ASTN1: variants seen among roughly 807,000 people sequenced by gnomAD.
The protein encoded by ASTN1 is astrotactin 1.
ASTN1 carries 41 observed loss-of-function variants against 140.7 expected under a neutral mutation model. The ratio of observed to expected loss-of-function variants is 0.29; its 90% CI spans 0.23 to 0.38. ASTN1 has a LOEUF of 0.38. Ranked by LOEUF, ASTN1 falls within the 10% of genes least tolerant of loss-of-function variation. The pLI, the probability that ASTN1 is intolerant of heterozygous loss-of-function variation, is 1.00. For synonymous variants in ASTN1, 640 were observed against 652.2 expected, an observed-to-expected ratio of 0.98 and a Z score of 0.29; for missense variants, 1,479 against 1,678.8, an observed-to-expected ratio of 0.88 and a Z score of 2.08.
intron 8 of ASTN1, among the ~76,000 whole-genome samples, chr1:176,991,599 A>T (rs1674180046): frequency 6.6e-6 from 1 of 152,178 alleles, no homozygotes; most frequent in Non-Finnish European, 1.5e-5. Flanking sequence ...TCGAACACTA[A>T]CTAGCTGTGT....
intron 1 of ASTN1, among the ~76,000 whole-genome samples, chr1:177,109,246 GGAAATATGTAGTAAACCTAA>G (rs1488507227): frequency 6.6e-6 from 1 of 152,010 alleles, no homozygotes; most frequent in Non-Finnish European, 1.5e-5. Context: ...AAGCTTTGCA[GGAAATATGTAGTAAACCTAA>G]GAAACCCATT....
intron 19 of ASTN1, among the ~76,000 whole-genome samples, chr1:176,883,709 C>T (rs1003861877): frequency 1.3e-5 from 2 of 152,138 alleles, no homozygotes; most frequent in African/African-American, 4.8e-5. Flanking sequence ...ATTGTTGGTG[C>T]CATCATCCTG....
At chr1:177,078,920 G>A (rs1679051136) in intron 1 of ASTN1, among the ~76,000 whole-genome samples, 1 of 151,974 alleles carries the variant, frequency 6.6e-6, no homozygotes, top group African/African-American at 2.4e-5. Flanking sequence ...ACTTCTAAAG[G>A]GATACTGTCA....
chr1:177,092,932 T>C (rs1679828934), intron 1 of ASTN1, among the ~76,000 whole-genome samples: 1 of 152,200 alleles, frequency 6.6e-6, no homozygotes, highest in Admixed American at 6.5e-5. Context: ...ACACTGTTTT[T>C]ATTGCTGTAG....
chr1:176,996,645 C>T (rs1008222417), intron 8 of ASTN1, among the ~76,000 whole-genome samples: 5 of 152,174 alleles, frequency 3.3e-5, no homozygotes, highest in African/African-American at 7.2e-5. Flanking sequence ...ACTTAATACA[C>T]GTGTAGGTTT....
chr1:176,876,595 C>CCTGGAGCGCCGTCCTGTGT lies in ASTN1; in HGVS notation c.3386_3404dup (p.Pro1136HisfsTer21). The CCTGGAGCGCCGTCCTGTGT allele has an allele frequency of 3.1e-6, 5 of 1,614,162 alleles. No individual in the cohort carries two copies. The highest frequency in any genetic ancestry group is 4.2e-6 in the Non-Finnish European group (5 of 1,180,032). The stretch of plus-strand genomic sequence containing the variant: ...GGGTCTTCACGATCACGTCGCTTGG[C>CCTGGAGCGCCGTCCTGTGT]CTGGAGCGCCGTCCTGTGTTGTCCA... On this transcript the variant is annotated frameshift_variant, in exon 21 of 23. Coordinates refer to ENST00000361833, the MANE Select transcript of ASTN1 (RefSeq NM_004319.3). LOFTEE classifies it high-confidence loss of function.
At chr1:176,929,209 T>A (rs1459681432) in intron 16 of ASTN1, among the ~76,000 whole-genome samples, 3 of 152,178 alleles carry the variant, frequency 2.0e-5, no homozygotes, top group Non-Finnish European at 4.4e-5. Context: ...CTCTAGAACC[T>A]GTGAATGGCA....
In ASTN1 at chr1:176,882,881, G is replaced by C. The variant is rs1460495222; in HGVS notation, c.3340C>G (p.Leu1114Val). The change falls in exon 20 of 23, where the codon CTG becomes GTG. Residue 1114 changes from leucine (L) to valine (V), a missense_variant. This residue lies in a region of ASTN1 where 746 missense variants were observed against 800.9 expected (regional missense o/e 0.93). Transcript: ENST00000361833. ...CACATGTAAATGGTGTCAGGTTCCA[G>C]GCATCGTATGATCAGAGAGATGGTG... ...LTTISLIIRC[L>V]EPDTIYMFTL... 2 of 1,614,136 alleles carry C rather than the reference G, an allele frequency of 1.2e-6. No individual in the cohort carries two copies. The highest frequency in any genetic ancestry group is 2.2e-5 in the South Asian group (2 of 91,082).
At position 176,862,609 on chromosome 1, in the gene ASTN1, C is replaced by G; in HGVS notation, c.*1675G>C. The G allele has an allele frequency of 1.0e-6, 1 of 980,182 alleles. No homozygotes were observed. The allele number at this position is 980,182 out of a possible 1,614,324, so 60.7% of individuals were successfully genotyped here. ...TAAGATCCTGTGCCCTGGAGACCAA[C>G]AGCCTGAAATCACACTGAAACTCAG... On this transcript the variant is annotated 3_prime_UTR_variant, in exon 23 of 23. Transcript: ENST00000361833.
intron 1 of ASTN1, among the ~76,000 whole-genome samples, chr1:177,069,956 A>G (rs1006568935): frequency 2.0e-5 from 3 of 152,154 alleles, no homozygotes; most frequent in Non-Finnish European, 4.4e-5. Flanking sequence ...ATCTATTTCT[A>G]TTCTCCACTG....
intron 3 of ASTN1, among the ~76,000 whole-genome samples, chr1:177,031,378 A>T (rs1002515845): frequency 1.3e-5 from 2 of 151,916 alleles, no homozygotes; most frequent in Non-Finnish European, 2.9e-5. Flanking sequence ...GTATTGTCTG[A>T]CCTCTTCTCT....
Position 176,862,373 on chromosome 1 carries a change from T to A in ASTN1, c.*1911A>T. 1.0e-6 allele frequency: 1 copy of A among 985,492 alleles called. No homozygotes were observed. Among genetic ancestry groups the A allele is most frequent in the Non-Finnish European group, 1.2e-6 (1 of 829,990 alleles). The allele number at this position is 985,492 out of a possible 1,614,324, so 61.0% of individuals were successfully genotyped here. A position where few individuals can be genotyped will look rare whatever the true frequency, so the allele number is the denominator to read the frequency against. ...CATGAGGGTGGGGAGGAGGGCCATG[T>A]GCAGTGGAACTAGGGGTCCCAAGGG... is the stretch of plus-strand genomic sequence containing the variant. On this transcript the variant is annotated 3_prime_UTR_variant, in exon 23 of 23. Coordinates refer to ENST00000361833, the MANE Select transcript of ASTN1 (RefSeq NM_004319.3).
intron 19 of ASTN1, among the ~76,000 whole-genome samples, chr1:176,884,121 T>G (rs1668926219): frequency 6.6e-6 from 1 of 152,176 alleles, no homozygotes; most frequent in Non-Finnish European, 1.5e-5. Flanking sequence ...CTTTGTCAGA[T>G]GCTCACCAGG....
intron 12 of ASTN1, among the ~76,000 whole-genome samples, chr1:176,948,328 A>G (rs1459642837): frequency 1.3e-5 from 2 of 150,488 alleles, no homozygotes; most frequent in African/African-American, 4.9e-5. Context: ...GAGTGGGGGA[A>G]GGATAGACAA....
Position 177,137,896 on chromosome 1 carries a change from T to A in ASTN1, c.283+26498A>T, listed in dbSNP as rs547690105. On this transcript the variant is annotated intron_variant, in intron 1 of 22. Transcript: ENST00000361833. Reference sequence around the variant, plus strand: ...TTGGAAAACATAAAACATGCATTTATGGGTCTTAGAATAGAAAATGATGAG... The same window carrying A: ...TTGGAAAACATAAAACATGCATTTAAGGGTCTTAGAATAGAAAATGATGAG... Among the ~76,000 whole-genome samples the A allele has an allele frequency of 4.4e-3, 677 of 152,304 alleles. 9 individuals carry two copies. The highest frequency in any genetic ancestry group is 0.016 in the African/African-American group (652 of 41,552).
At chr1:177,128,455 G>A (rs1406609501) in intron 1 of ASTN1, among the ~76,000 whole-genome samples, 2 of 152,116 alleles carry the variant, frequency 1.3e-5, no homozygotes, top group African/African-American at 4.8e-5. Flanking sequence ...TCTTTCAAAA[G>A]TCAAATGAGT....
intron 16 of ASTN1, among the ~76,000 whole-genome samples, chr1:176,917,855 C>T (rs977129386): frequency 2.0e-5 from 3 of 152,142 alleles, no homozygotes; most frequent in African/African-American, 7.2e-5. Flanking sequence ...CGTGCCTTCA[C>T]CAAACACAGT....
Position 176,985,310 on chromosome 1 carries a change from T to C in ASTN1, c.1524-20073A>G, listed in dbSNP as rs148793836. On this transcript the variant is annotated intron_variant, in intron 8 of 22. Coordinates refer to ENST00000361833, the MANE Select transcript of ASTN1 (RefSeq NM_004319.3). ...GTCTCCACCCGCACCTCTGTGGTCT[T>C]TGAGTCCTCCCCCAGCACTGCCCCA... 2.5e-3 allele frequency among the ~76,000 whole-genome samples: 379 copies of C among 152,278 alleles called. 4 individuals are homozygous for C. The highest frequency in any genetic ancestry group is 8.9e-3 in the African/African-American group (368 of 41,572).
At chr1:176,991,590 C>T (rs748611985) in intron 8 of ASTN1, among the ~76,000 whole-genome samples, 3 of 152,162 alleles carry the variant, frequency 2.0e-5, no homozygotes, top group Non-Finnish European at 2.9e-5. Context: ...CTCGATAATT[C>T]GAACACTAAC....
Sources: allele counts gnomAD v4.1 joint callset (sites outside exome capture counted in the v4.1 genomes callset), GRCh38; gene constraint gnomAD v4.1.1; regional missense constraint gnomAD v4.1.1; transcripts MANE v1.5; gene names NCBI Gene and HGNC (gene_info 2026-07-23, HGNC 2026-07-21).